Variants in DOCK10 observed in about 807,000 individuals in gnomAD.
DOCK10 encodes the protein dedicator of cytokinesis 10, also known as dedicator of cytokinesis protein 10.
Under a neutral mutation model 280.1 loss-of-function variants are expected in DOCK10, and 145 were observed. That is an observed-to-expected ratio of 0.52 (90% CI 0.45 to 0.59). The LOEUF is 0.59. Among genes scored for constraint, DOCK10 ranks in the 20% least tolerant of loss-of-function variants. The pLI is 0.00. For missense variants in DOCK10, 2,368 were observed against 2,651.7 expected (o/e 0.89, Z 2.35); for synonymous variants, 915 against 942.2 (o/e 0.97, Z 0.53).
chr2:224,939,116 G>C (rs1332695558), intron 1 of DOCK10, among the ~76,000 whole-genome samples: 1 of 152,190 alleles, frequency 6.6e-6, no homozygotes, highest in Admixed American at 6.5e-5. Flanking sequence ...TCAATCAGCA[G>C]TAACTCTTTG....
At chr2:224,838,967 T>G (rs922769741) in intron 24 of DOCK10, among the ~76,000 whole-genome samples, 9 of 152,228 alleles carry the variant, frequency 5.9e-5, no homozygotes, top group Non-Finnish European at 1.2e-4. Context: ...GAATAGGCAC[T>G]TTCTTAAATA....
intron 29 of DOCK10, among the ~76,000 whole-genome samples, chr2:224,819,006 C>G (rs1344360196): frequency 6.6e-6 from 1 of 152,144 alleles, no homozygotes; most frequent in African/African-American, 2.4e-5. Flanking sequence ...GTGATGCTAC[C>G]TCTCTGGTCT....
rs1383409860 is a variant in DOCK10 at position 224,834,639 on chromosome 2, C to G, written c.2851-376G>C. On this transcript the variant is annotated intron_variant, in intron 25 of 55. Coordinates refer to ENST00000258390, the MANE Select transcript of DOCK10 (RefSeq NM_014689.3). ...TCTTCATCCTGAAAGGGTAGAGCAC[C>G]CACTCAAATAGCCAAGTGGGGAAGC... Among the ~76,000 whole-genome samples the G allele has an allele frequency of 2.0e-5, 3 of 152,094 alleles. No homozygotes were observed. In the East Asian group the frequency reaches 5.8e-4, roughly 29 times the overall value.
chr2:224,863,613 T>C (rs1697676582), intron 13 of DOCK10, among the ~76,000 whole-genome samples: 1 of 151,870 alleles, frequency 6.6e-6, no homozygotes, highest in Admixed American at 6.6e-5. Context: ...CCACCACGCC[T>C]GGCTAATTTT....
At chr2:224,817,717 A>G (rs537291609) in intron 29 of DOCK10, among the ~76,000 whole-genome samples, 209 of 152,338 alleles carry the variant, frequency 1.4e-3, no homozygotes, top group African/African-American at 4.8e-3. Flanking sequence ...TGAAGAATAT[A>G]CTTTCAAAAA....
intron 1 of DOCK10, among the ~76,000 whole-genome samples, chr2:225,016,411 A>G (rs1317056118): frequency 6.6e-6 from 1 of 151,786 alleles, no homozygotes; most frequent in African/African-American, 2.4e-5. Flanking sequence ...TATATGAGTA[A>G]GAAGGCAAGT....
Position 224,770,393 on chromosome 2 carries a change from G to A in DOCK10, c.6306-44C>T, listed in dbSNP as rs747128792. ...ACAAATTAAAAACCAGCCCTCGGAA[G>A]TGGCATTGAGCTCAGTGACTGTGAG... is the stretch of plus-strand genomic sequence containing the variant. On this transcript the variant is annotated intron_variant, in intron 54 of 55. Coordinates refer to ENST00000258390, the MANE Select transcript of DOCK10 (RefSeq NM_014689.3). This position sits in a 1 kb window ranked among gnomAD's most constrained non-coding sequence, Gnocchi z 4.5. The A allele has an allele frequency of 1.3e-6, 2 of 1,564,560 alleles. No homozygotes were observed. The highest frequency in any genetic ancestry group is 2.7e-5 in the African/African-American group (2 of 73,642).
chr2:224,825,339 T>C (rs1694774600), intron 27 of DOCK10, among the ~76,000 whole-genome samples: 1 of 152,172 alleles, frequency 6.6e-6, no homozygotes, highest in South Asian at 2.1e-4. Context: ...TTTTTGAAAA[T>C]TTCATGGTTA....
At chr2:224,787,226 A>G (rs747262644) in intron 49 of DOCK10, 49 bp downstream of exon 49, 99 of 1,612,098 alleles carry the variant, frequency 6.1e-5, no homozygotes, top group Non-Finnish European at 6.0e-5. Flanking sequence ...TAATTTTCCA[A>G]TTCAACATAG....
intron 51 of DOCK10, among the ~76,000 whole-genome samples, chr2:224,776,517 G>C (rs1690874967): frequency 6.6e-6 from 1 of 151,950 alleles, no homozygotes; most frequent in Admixed American, 6.6e-5. Context: ...TGCCTTCCTG[G>C]GGAAGGTGAC....
intron 1 of DOCK10, among the ~76,000 whole-genome samples, chr2:224,974,037 A>G (rs1705252126): frequency 6.6e-6 from 1 of 152,190 alleles, no homozygotes; most frequent in Non-Finnish European, 1.5e-5. Flanking sequence ...TGCGATGTCC[A>G]AAGGATGCAG....
chr2:224,830,619 G>C lies in DOCK10; in HGVS notation c.2965-7C>G. On this transcript the variant is annotated splice_region_variant and splice_polypyrimidine_tract_variant and intron_variant, in intron 26 of 55. Transcript: ENST00000258390. ...CAAAGAAGAACCAGGAATGCTGTTG[G>C]GAAAAAAAAGGCAACGAGACATTTA... The C allele has an allele frequency of 6.8e-7, 1 of 1,462,066 alleles. No homozygotes were observed. Among genetic ancestry groups the C allele is most frequent in the Non-Finnish European group, 9.0e-7 (1 of 1,105,378 alleles). The allele number at this position is 1,462,066 out of a possible 1,614,324, so 90.6% of individuals were successfully genotyped here. A position where few individuals can be genotyped will look rare whatever the true frequency, so the allele number is the denominator to read the frequency against.
In DOCK10 at chr2:224,786,996, G is replaced by A. The variant is rs771450568; in HGVS notation, c.5655+26C>T. 3 of 1,522,272 alleles carry A rather than the reference G, an allele frequency of 2.0e-6. No individual in the cohort carries two copies. The South Asian group carries it at 3.4e-5, about 17-fold the overall frequency. The allele number at this position is 1,522,272 out of a possible 1,614,324, so 94.3% of individuals were successfully genotyped here. A position where few individuals can be genotyped will look rare whatever the true frequency, so the allele number is the denominator to read the frequency against. On this transcript the variant is annotated intron_variant, in intron 50 of 55. Coordinates refer to ENST00000258390, the MANE Select transcript of DOCK10 (RefSeq NM_014689.3). The surrounding 1 kb of genome is among the most constrained non-coding windows in gnomAD (Gnocchi z 4.7). ...ATTCAACTGCTCAGCAGAATTTATG[G>A]GCCGTGTTATTTCTGGTGAACTTAC... is the stretch of plus-strand genomic sequence containing the variant.
intron 22 of DOCK10, among the ~76,000 whole-genome samples, chr2:224,844,337 T>C (rs1559541440): frequency 6.6e-6 from 1 of 152,024 alleles, no homozygotes; most frequent in East Asian, 1.9e-4. Context: ...TCCATGTTGG[T>C]CAGGCTGGTC....
At position 224,973,739 on chromosome 2, in the gene DOCK10, C is replaced by A. The variant is rs374674645; in HGVS notation, c.124-42071G>T. ...ATAGGAAACTAAGGCAGATAGGCAC[C>A]CTCACGACTCTCATTTTACAGACAG... On this transcript the variant is annotated intron_variant, in intron 1 of 55. Coordinates refer to ENST00000258390, the MANE Select transcript of DOCK10 (RefSeq NM_014689.3). 2.0e-5 allele frequency among the ~76,000 whole-genome samples: 3 copies of A among 152,172 alleles called. No individual in the cohort carries two copies. In the East Asian group the frequency reaches 5.8e-4, roughly 29 times the overall value.
intron 24 of DOCK10, among the ~76,000 whole-genome samples, chr2:224,839,255 A>AT (rs577799384): frequency 0.28 from 37,526 of 131,722 alleles, 5,640 homozygotes; most frequent in African/African-American, 0.38. Flanking sequence ...ATTTTTTGTA[A>AT]TTTTTTTTTT....
chr2:225,017,486 C>T (rs1689645172), intron 1 of DOCK10, among the ~76,000 whole-genome samples: 1 of 150,336 alleles, frequency 6.7e-6, no homozygotes, highest in Non-Finnish European at 1.5e-5. Flanking sequence ...CCAAGAGAGA[C>T]TGACTGATTG....
At chr2:224,848,810 C>T (rs956309350) in intron 19 of DOCK10, among the ~76,000 whole-genome samples, 2 of 152,120 alleles carry the variant, frequency 1.3e-5, no homozygotes, top group Admixed American at 1.3e-4. Context: ...CTCTAGTTCT[C>T]TGTTCTCTTC....
intron 1 of DOCK10, among the ~76,000 whole-genome samples, chr2:224,936,801 T>C (rs1702718936): frequency 6.6e-6 from 1 of 152,186 alleles, no homozygotes; most frequent in Non-Finnish European, 1.5e-5. Flanking sequence ...GAACATGTAT[T>C]GCTTTCCTCG....
Sources: allele counts gnomAD v4.1 joint callset (sites outside exome capture counted in the v4.1 genomes callset), GRCh38; gene constraint gnomAD v4.1.1; non-coding constraint Gnocchi (gnomAD v3.1); transcripts MANE v1.5; gene names NCBI Gene and HGNC (gene_info 2026-07-23, HGNC 2026-07-21).